The following VWA3B variants were observed in gnomAD, a reference collection of about 807,000 sequenced individuals.
VWA3B encodes the protein von Willebrand factor A domain containing 3B, also known as von Willebrand factor A domain-containing protein 3B.
A neutral mutation model predicts 158.3 loss-of-function variants in VWA3B; 138 were observed. The ratio of observed to expected loss-of-function variants is 0.87; its 90% CI spans 0.76 to 1.00. The LOEUF (loss-of-function observed/expected upper bound fraction) is 1.00. Ranked by LOEUF, VWA3B falls within the 50% of genes least tolerant of loss-of-function variation. The pLI is 0.00. For synonymous variants in VWA3B, 596 were observed against 587.3 expected, an observed-to-expected ratio of 1.01 and a Z score of -0.21; for missense variants, 1,555 against 1,565.1, an observed-to-expected ratio of 0.99 and a Z score of 0.11.
At chr2:98,235,237 C>T (rs1390888514) in intron 17 of VWA3B, among the ~76,000 whole-genome samples, 1 of 152,008 alleles carries the variant, frequency 6.6e-6, no homozygotes, top group East Asian at 1.9e-4. Flanking sequence ...ACGTTTGATG[C>T]CTGTAACATT....
At chr2:98,213,181 T>C (rs891914253) in intron 13 of VWA3B, among the ~76,000 whole-genome samples, 13 of 152,044 alleles carry the variant, frequency 8.6e-5, no homozygotes, top group African/African-American at 3.1e-4. Context: ...TGTGGAAATA[T>C]GTGGGGGGCT....
intron 26 of VWA3B, among the ~76,000 whole-genome samples, chr2:98,306,110 C>CAGCT (rs1451731531): frequency 6.6e-6 from 1 of 152,180 alleles, no homozygotes; most frequent in African/African-American, 2.4e-5. Flanking sequence ...TCTCCCTGGA[C>CAGCT]AGCTATTCCT....
At chr2:98,102,190 G>A (rs999884942) in intron 2 of VWA3B, among the ~76,000 whole-genome samples, 26 of 152,152 alleles carry the variant, frequency 1.7e-4, no homozygotes, top group African/African-American at 5.6e-4. Flanking sequence ...GGGGTTGGGG[G>A]TAAGGTTATA....
chr2:98,300,253 G>C (rs751836703), intron 25 of VWA3B, 37 bp downstream of exon 25: 1 of 1,612,602 alleles, frequency 6.2e-7, no homozygotes, highest in South Asian at 1.1e-5. Context: ...ACTTTCTCCT[G>C]GGCAATGCCA....
At chr2:98,290,378 G>A in intron 22 of VWA3B, 133 bp from the exon 23 acceptor site, 1 of 690,972 alleles carries the variant, frequency 1.4e-6, no homozygotes, top group Non-Finnish European at 2.4e-6. Flanking sequence ...TCCAACACTG[G>A]AACTTGTAAT....
intron 17 of VWA3B, among the ~76,000 whole-genome samples, chr2:98,235,240 G>A (rs917153210): frequency 3.9e-5 from 6 of 152,074 alleles, no homozygotes; most frequent in Non-Finnish European, 7.4e-5. Context: ...TTTGATGCCT[G>A]TAACATTTTT....
At chr2:98,178,991 C>T (rs1680244858) in intron 8 of VWA3B, among the ~76,000 whole-genome samples, 1 of 152,220 alleles carries the variant, frequency 6.6e-6, no homozygotes, top group African/African-American at 2.4e-5. Flanking sequence ...GTCCTTTCTG[C>T]CTTCCTTCCA....
Position 98,133,841 on chromosome 2 carries a change from A to G in VWA3B, c.890A>G (p.Glu297Gly). Residue 297 changes from glutamate to glycine, a missense_variant, in exon 7 of 28, where the codon GAG becomes GGG. Physicochemically the swap from Glu to Gly is moderately conservative, Grantham distance 98 (BLOSUM62 -2). Coordinates refer to ENST00000477737, the MANE Select transcript of VWA3B (RefSeq NM_144992.5). ...KTHSRFHAFAERTECVEFPAF... is the reference protein window; with the variant it reads ...KTHSRFHAFAGRTECVEFPAF... ...CGTTTCAGATTCCACGCATTTGCCG[A>G]GAGAACAGAGTGTGTAGAATTTCCT... 2 of 1,614,102 alleles carry G rather than the reference A, an allele frequency of 1.2e-6. No individual in the cohort carries two copies. Among genetic ancestry groups the G allele is most frequent in the South Asian group, 2.2e-5 (2 of 91,064 alleles).
chr2:98,295,123 G>A (rs1046201176), intron 23 of VWA3B, among the ~76,000 whole-genome samples: 2 of 152,136 alleles, frequency 1.3e-5, no homozygotes, highest in Non-Finnish European at 2.9e-5. Context: ...ACAGAGGGTA[G>A]AAAGGAAACC....
chr2:98,249,706 A>G (rs1454012984), intron 19 of VWA3B, among the ~76,000 whole-genome samples: 2 of 152,254 alleles, frequency 1.3e-5, no homozygotes, highest in Non-Finnish European at 2.9e-5. Flanking sequence ...AAGAAGCCTC[A>G]TTTATTGATC....
intron 13 of VWA3B, 92 bp downstream of exon 13, chr2:98,212,120 C>A: frequency 2.8e-6 from 3 of 1,090,350 alleles, no homozygotes; most frequent in Non-Finnish European, 4.1e-6. Flanking sequence ...CAGCTGCCAC[C>A]AAAAATCTGT....
At chr2:98,146,585 T>C (rs1677192041) in intron 7 of VWA3B, among the ~76,000 whole-genome samples, 1 of 152,218 alleles carries the variant, frequency 6.6e-6, no homozygotes, top group South Asian at 2.1e-4. Flanking sequence ...CACCTTTGAC[T>C]GTGGGTGAGG....
intron 7 of VWA3B, among the ~76,000 whole-genome samples, chr2:98,152,628 TAGTA>T (rs1432284713): frequency 3.9e-5 from 6 of 152,198 alleles, no homozygotes; most frequent in African/African-American, 1.4e-4. Flanking sequence ...TAAACTGAAA[TAGTA>T]AGTATGGATT....
intron 25 of VWA3B, 114 bp downstream of exon 25, chr2:98,300,330 C>A: frequency 6.9e-7 from 1 of 1,452,554 alleles, no homozygotes; most frequent in Non-Finnish European, 9.3e-7. Context: ...CTGCCCTGCT[C>A]TCCACTCCCT....
In VWA3B at chr2:98,243,046, C is replaced by T. The variant is rs187132112; in HGVS notation, c.2673+6316C>T. On this transcript the variant is annotated intron_variant, in intron 19 of 27. Transcript: ENST00000477737. ...AAAGAAAGAAGCAATAGTTATCATC[C>T]ACCTCATCATCTCATGGTTATCTGG... Among the ~76,000 whole-genome samples, 16 of 150,826 alleles carry T rather than the reference C, an allele frequency of 1.1e-4. No homozygotes were observed. The East Asian group carries it at 3.1e-3, about 29-fold the overall frequency.
chr2:98,133,006 G>C (rs986592135), intron 6 of VWA3B, among the ~76,000 whole-genome samples: 6 of 152,164 alleles, frequency 3.9e-5, no homozygotes, highest in African/African-American at 1.2e-4. Flanking sequence ...TGCGTGGCTG[G>C]TGGAGCATTA....
chr2:98,161,177 G>A (rs1678544776), intron 7 of VWA3B, among the ~76,000 whole-genome samples: 1 of 152,202 alleles, frequency 6.6e-6, no homozygotes, highest in African/African-American at 2.4e-5. Flanking sequence ...GCTTTTCGGT[G>A]TATTTGGTGA....
intron 8 of VWA3B, among the ~76,000 whole-genome samples, chr2:98,169,922 C>G (rs918055255): frequency 6.6e-6 from 1 of 151,852 alleles, no homozygotes. Flanking sequence ...AGTTTGAGAC[C>G]ATCCTGGGCG....
intron 2 of VWA3B, among the ~76,000 whole-genome samples, chr2:98,112,559 T>C (rs1409437935): frequency 2.0e-5 from 3 of 152,112 alleles, no homozygotes; most frequent in African/African-American, 7.2e-5. Flanking sequence ...TATCTTTTTT[T>C]CTATAACTGC....
Sources: gnomAD v4.1 joint callset for allele counts (sites outside exome capture counted in the v4.1 genomes callset) on GRCh38, gnomAD v4.1.1 for gene constraint, MANE v1.5 for transcripts, NCBI Gene and HGNC (gene_info 2026-07-23, HGNC 2026-07-21) for gene names.